ROBO2: variants seen among roughly 807,000 people sequenced by gnomAD.
ROBO2 encodes the protein roundabout guidance receptor 2, also known as roundabout homolog 2.
ROBO2 carries 53 observed loss-of-function variants against 160.8 expected under a neutral mutation model. The ratio of observed to expected loss-of-function variants is 0.33; its 90% CI spans 0.26 to 0.41. ROBO2 has a LOEUF of 0.41. Among genes scored for constraint, ROBO2 ranks in the 10% least tolerant of loss-of-function variants. The pLI, the probability that ROBO2 is intolerant of heterozygous loss-of-function variation, is 1.00. For synonymous variants in ROBO2, 664 were observed against 611.7 expected (o/e 1.09, Z -1.26); for missense variants, 1,577 against 1,722.4 (o/e 0.92, Z 1.49).
At chr3:77,097,904 G>A (rs2071314003) in intron 1 of ROBO2, 110 bp from the exon 2 acceptor site, 8 of 954,478 alleles carry the variant, frequency 8.4e-6, no homozygotes, top group Non-Finnish European at 7.6e-6. Flanking sequence ...ATAAAATAAT[G>A]TTCAGTTGGA....
intron 2 of ROBO2, among the ~76,000 whole-genome samples, chr3:76,465,221 C>T (rs2078297235): frequency 6.6e-6 from 1 of 152,000 alleles, no homozygotes; most frequent in African/African-American, 2.4e-5. Context: ...ATCCAGATAT[C>T]TTAAGATATG....
intron 2 of ROBO2, among the ~76,000 whole-genome samples, chr3:77,422,667 T>C (rs1446288901): frequency 6.6e-6 from 1 of 152,190 alleles, no homozygotes; most frequent in Non-Finnish European, 1.5e-5. Flanking sequence ...TCTTTACATT[T>C]ATTTGACCTC....
chr3:76,708,713 G>C (rs2093223917), intron 2 of ROBO2, among the ~76,000 whole-genome samples: 1 of 152,210 alleles, frequency 6.6e-6, no homozygotes, highest in South Asian at 2.1e-4. Context: ...CCAGAAAGGA[G>C]TAATAAAATT....
Position 77,165,475 on chromosome 3 carries a change from T to G in ROBO2, c.388+67135T>G, listed in dbSNP as rs1242202163. ...GGAAAACCAGAGACCTTTGTTCACT[T>G]GTTTATCTGCTGACCTTCCCTCCAC... is the stretch of plus-strand genomic sequence containing the variant. On this transcript the variant is annotated intron_variant, in intron 2 of 25. Coordinates refer to ENST00000461745, the Ensembl canonical transcript of ROBO2. Among the ~76,000 whole-genome samples, 3 of 148,844 alleles carry G rather than the reference T, an allele frequency of 2.0e-5. No homozygotes were observed. In the South Asian group the frequency reaches 6.6e-4, roughly 33 times the overall value.
At chr3:77,432,659 A>G (rs1483708430) in intron 2 of ROBO2, among the ~76,000 whole-genome samples, 1 of 152,182 alleles carries the variant, frequency 6.6e-6, no homozygotes, top group African/African-American at 2.4e-5. Context: ...AGTTGCCACA[A>G]AGACCTTTTG....
At chr3:76,646,251 T>C (rs2090965061) in intron 2 of ROBO2, among the ~76,000 whole-genome samples, 1 of 152,118 alleles carries the variant, frequency 6.6e-6, no homozygotes, top group African/African-American at 2.4e-5. Context: ...GGAGGCTAAG[T>C]GGAAAGGATT....
chr3:76,995,817 ATTTG>A (rs1269942948), intron 2 of ROBO2, among the ~76,000 whole-genome samples: 5 of 152,004 alleles, frequency 3.3e-5, no homozygotes, highest in Admixed American at 6.6e-5. Flanking sequence ...TTTCTTGTAA[ATTTG>A]TTTGAGTGCA....
intron 1 of ROBO2, among the ~76,000 whole-genome samples, chr3:75,933,167 A>G (rs1300778216): frequency 6.6e-6 from 1 of 152,144 alleles, no homozygotes; most frequent in East Asian, 1.9e-4. Context: ...GAGTCATGTG[A>G]TGGCTTCTAA....
chr3:76,854,903 C>T (rs148778715), intron 2 of ROBO2, among the ~76,000 whole-genome samples: 1,929 of 152,010 alleles, frequency 0.013, 32 homozygotes, highest in Middle Eastern at 0.058. Flanking sequence ...AAAAAATATC[C>T]GAACCAAAAG....
intron 2 of ROBO2, among the ~76,000 whole-genome samples, chr3:76,828,529 A>G (rs1188381318): frequency 6.6e-6 from 1 of 152,178 alleles, no homozygotes; most frequent in African/African-American, 2.4e-5. Flanking sequence ...CACCAAAATT[A>G]CTAGAGCATA....
chr3:76,710,317 C>G (rs927501370), intron 2 of ROBO2, among the ~76,000 whole-genome samples: 2 of 152,096 alleles, frequency 1.3e-5, no homozygotes, highest in African/African-American at 4.8e-5. Flanking sequence ...CACGGGGTTT[C>G]ACCATGTTGG....
intron 2 of ROBO2, among the ~76,000 whole-genome samples, chr3:76,429,994 C>T (rs1420702161): frequency 3.9e-5 from 6 of 152,188 alleles, no homozygotes; most frequent in Middle Eastern, 3.4e-3. Flanking sequence ...GCCCAGGACA[C>T]GGGGACACTG....
At chr3:76,162,628 T>G (rs1417118124) in intron 2 of ROBO2, among the ~76,000 whole-genome samples, 1 of 152,148 alleles carries the variant, frequency 6.6e-6, no homozygotes, top group East Asian at 1.9e-4. Flanking sequence ...TGTTTTATTA[T>G]GTTATTTCCT....
chr3:77,476,264 G>T (rs2083981531), intron 2 of ROBO2, among the ~76,000 whole-genome samples: 1 of 152,102 alleles, frequency 6.6e-6, no homozygotes, highest in South Asian at 2.1e-4. Context: ...AAGGCAGTTG[G>T]TTTGACCTAA....
chr3:77,218,870 CAG>C (rs1470099227), intron 2 of ROBO2, among the ~76,000 whole-genome samples: 1 of 152,184 alleles, frequency 6.6e-6, no homozygotes, highest in African/African-American at 2.4e-5. Context: ...GAATCCAACA[CAG>C]AACACAGCAC....
chr3:77,587,043 G>T (rs2153682464), intron 16 of ROBO2, among the ~76,000 whole-genome samples: 1 of 152,060 alleles, frequency 6.6e-6, no homozygotes, highest in East Asian at 1.9e-4. Context: ...ATTTTGAAAA[G>T]ATTAACAAAA....
At chr3:76,196,476 T>C (rs911885446) in intron 2 of ROBO2, among the ~76,000 whole-genome samples, 8 of 152,128 alleles carry the variant, frequency 5.3e-5, no homozygotes, top group Admixed American at 1.3e-4. Context: ...TTAGTTATTA[T>C]TGATCCTAAG....
At chr3:77,330,790 C>T (rs1380504330) in intron 2 of ROBO2, among the ~76,000 whole-genome samples, 4 of 152,078 alleles carry the variant, frequency 2.6e-5, no homozygotes, top group Non-Finnish European at 5.9e-5. Flanking sequence ...GCTTATTTAT[C>T]GTTGAGGTAT....
chr3:76,050,541 C>T lies in ROBO2; in HGVS notation c.109+112939C>T, dbSNP rs2067619731. On this transcript the variant is annotated intron_variant, in intron 2 of 26. Transcript: ENST00000487694. The stretch of plus-strand genomic sequence containing the variant: ...ATACATCTATCCTATTAGTCCTGTC[C>T]CTCTAGAGAACCCTGACTAATACAT... Among the ~76,000 whole-genome samples, 6 of 152,160 alleles carry T rather than the reference C, an allele frequency of 3.9e-5. No individual in the cohort carries two copies. In the South Asian group the frequency reaches 1.0e-3, roughly 26 times the overall value.
Sources: allele counts gnomAD v4.1 joint callset (sites outside exome capture counted in the v4.1 genomes callset), GRCh38; gene constraint gnomAD v4.1.1; transcripts MANE v1.5; gene names NCBI Gene and HGNC (gene_info 2026-07-23, HGNC 2026-07-21).